COL19A1: variants seen among roughly 807,000 people sequenced by gnomAD.
The protein encoded by COL19A1 is collagen type XIX alpha 1 chain, also known as collagen alpha-1(XIX) chain.
Under a neutral mutation model 190.2 loss-of-function variants are expected in COL19A1, and 159 were observed. The observed-to-expected ratio is 0.84, with a 90% CI of 0.73 to 0.95. COL19A1 has a LOEUF of 0.95. Among genes scored for constraint, COL19A1 ranks in the 40% least tolerant of loss-of-function variants. COL19A1 has a pLI of 0.00. For missense variants in COL19A1, 1,418 were observed against 1,431.9 expected (o/e 0.99, Z 0.16); for synonymous variants, 509 against 458.9 (o/e 1.11, Z -1.39).
intron 11 of COL19A1, among the ~76,000 whole-genome samples, chr6:70,013,561 C>A (rs1778022406): frequency 2.2e-5 from 1 of 45,632 alleles, no homozygotes; most frequent in Non-Finnish European, 3.3e-5. Context: ...ATACAAACTA[C>A]CATCAGAGAA....
intron 11 of COL19A1, among the ~76,000 whole-genome samples, chr6:69,984,625 G>A (rs1288927827): frequency 6.6e-6 from 1 of 151,936 alleles, no homozygotes; most frequent in Non-Finnish European, 1.5e-5. Context: ...TCAATCTTTT[G>A]CCTGAAGTTT....
At chr6:70,076,344 T>C (rs1781881599) in intron 15 of COL19A1, among the ~76,000 whole-genome samples, 1 of 152,218 alleles carries the variant, frequency 6.6e-6, no homozygotes, top group Admixed American at 6.5e-5. Context: ...ATTTGCATGT[T>C]TTAAAATAGG....
At chr6:69,949,476 G>T (rs148700171) in intron 9 of COL19A1, among the ~76,000 whole-genome samples, 15 of 151,904 alleles carry the variant, frequency 9.9e-5, no homozygotes, top group Non-Finnish European at 1.3e-4. Flanking sequence ...ATGAAAACAA[G>T]AAAGTTACTA....
At chr6:69,926,751 C>G (rs1281477249) in intron 4 of COL19A1, among the ~76,000 whole-genome samples, 1 of 152,060 alleles carries the variant, frequency 6.6e-6, no homozygotes, top group Non-Finnish European at 1.5e-5. Context: ...AAGGTATTAA[C>G]TTATACATTC....
At chr6:69,901,363 G>A (rs1770178045) in intron 4 of COL19A1, among the ~76,000 whole-genome samples, 1 of 152,146 alleles carries the variant, frequency 6.6e-6, no homozygotes, top group Non-Finnish European at 1.5e-5. Context: ...CCTGAGAAAA[G>A]TTTCTTTTAA....
rs769558777 is a variant in COL19A1 at position 70,168,159 on chromosome 6, T to C, written c.2497-12T>C. 6.2e-7 allele frequency: 1 copy of C among 1,612,662 alleles called. No homozygotes were observed. The highest frequency in any genetic ancestry group is 8.5e-7 in the Non-Finnish European group (1 of 1,179,374). On this transcript the variant is annotated splice_polypyrimidine_tract_variant and intron_variant, in intron 38 of 50. Coordinates refer to ENST00000620364, the MANE Select transcript of COL19A1 (RefSeq NM_001858.6). Reference sequence around the variant, plus strand: ...CTTTCTCTTTTTCTTTTCTTTTCATTTTCTTTTGAAGGGAGGTGTGAATGT... The same window carrying C: ...CTTTCTCTTTTTCTTTTCTTTTCATCTTCTTTTGAAGGGAGGTGTGAATGT...
rs1773369317 is a variant in COL19A1 at position 69,939,991 on chromosome 6, A to G, written c.936+1891A>G. On this transcript the variant is annotated intron_variant, in intron 9 of 50. Transcript: ENST00000620364. ...CTTAACTTGTCTTTTCACTTCTTTGATTTATCAGTTCCTTCATATTTAAGA... is the reference window on the plus strand; with the variant it reads ...CTTAACTTGTCTTTTCACTTCTTTGGTTTATCAGTTCCTTCATATTTAAGA... Among the ~76,000 whole-genome samples, 4 of 151,960 alleles carry G rather than the reference A, an allele frequency of 2.6e-5. No individual in the cohort carries two copies. In the South Asian group the frequency reaches 8.3e-4, roughly 32 times the overall value.
chr6:70,103,173 C>T (rs192314279), intron 16 of COL19A1, among the ~76,000 whole-genome samples: 2 of 152,314 alleles, frequency 1.3e-5, no homozygotes, highest in African/African-American at 2.4e-5. Flanking sequence ...AAACTAATCT[C>T]TAAAAATAAT....
At chr6:70,087,733 G>T (rs191256016) in intron 15 of COL19A1, among the ~76,000 whole-genome samples, 2 of 152,126 alleles carry the variant, frequency 1.3e-5, no homozygotes, top group African/African-American at 2.4e-5. Flanking sequence ...GGTAAGGATC[G>T]CCACACTGCC....
intron 15 of COL19A1, among the ~76,000 whole-genome samples, chr6:70,079,140 C>A (rs1782079994): frequency 6.6e-6 from 1 of 152,178 alleles, no homozygotes; most frequent in South Asian, 2.1e-4. Context: ...AGTGAAATGG[C>A]TGATGGGAGT....
intron 18 of COL19A1, 82 bp from the exon 19 acceptor site, chr6:70,137,603 C>CA (rs1161956518): frequency 1.6e-6 from 2 of 1,274,218 alleles, no homozygotes; most frequent in Non-Finnish European, 2.3e-6. Flanking sequence ...AGCAGGAGAG[C>CA]AAGCAATCAT....
chr6:70,101,749 C>T (rs1050835119), intron 15 of COL19A1, among the ~76,000 whole-genome samples: 5 of 152,100 alleles, frequency 3.3e-5, no homozygotes, highest in African/African-American at 7.2e-5. Context: ...AACACCCAAA[C>T]TCACCCTCAA....
intron 2 of COL19A1, among the ~76,000 whole-genome samples, chr6:69,893,068 T>C (rs1769461779): frequency 6.6e-6 from 1 of 152,198 alleles, no homozygotes; most frequent in African/African-American, 2.4e-5. Flanking sequence ...AGGTTCAAAA[T>C]AAATTTCTTC....
At chr6:69,912,351 G>A (rs543167647) in intron 4 of COL19A1, among the ~76,000 whole-genome samples, 360 of 152,188 alleles carry the variant, frequency 2.4e-3, no homozygotes, top group Non-Finnish European at 4.3e-3. Context: ...ACATCAATGC[G>A]TAAATTGATA....
chr6:70,163,400 CA>C lies in COL19A1; in HGVS notation c.2400+7del, dbSNP rs1183080422. On this transcript the variant is annotated splice_donor_5th_base_variant and intron_variant, in intron 36 of 50. Coordinates refer to ENST00000620364, the MANE Select transcript of COL19A1 (RefSeq NM_001858.6). ...CACAGGAGCAAAAGGTGAAAAGGTA[CA>C]AAGGAAAAGCCTCACTTACCATCCA... The C allele has an allele frequency of 1.2e-6, 2 of 1,610,360 alleles. No homozygotes were observed. The highest frequency in any genetic ancestry group is 2.3e-5 in the East Asian group (1 of 44,364).
At chr6:70,132,498 A>C (rs1411505707) in intron 18 of COL19A1, among the ~76,000 whole-genome samples, 1 of 152,190 alleles carries the variant, frequency 6.6e-6, no homozygotes, top group Non-Finnish European at 1.5e-5. Context: ...CTGAATCAAT[A>C]CATTAGTTTT....
At chr6:70,064,517 A>G (rs1781054243) in intron 14 of COL19A1, among the ~76,000 whole-genome samples, 1 of 152,210 alleles carries the variant, frequency 6.6e-6, no homozygotes, top group African/African-American at 2.4e-5. Context: ...CTGGATGGGC[A>G]AAAACTGGAA....
intron 15 of COL19A1, among the ~76,000 whole-genome samples, chr6:70,099,824 G>A (rs934084896): frequency 2.0e-5 from 3 of 152,100 alleles, no homozygotes; most frequent in Non-Finnish European, 2.9e-5. Context: ...ATGTCCACTC[G>A]GCAAAATCAG....
chr6:70,052,225 A>G (rs1409208317), intron 14 of COL19A1, among the ~76,000 whole-genome samples: 1 of 152,176 alleles, frequency 6.6e-6, no homozygotes, highest in Non-Finnish European at 1.5e-5. Context: ...GACCATGTCA[A>G]GGAATAAGAA....
Sources: gnomAD v4.1 joint callset for allele counts (sites outside exome capture counted in the v4.1 genomes callset) on GRCh38, gnomAD v4.1.1 for gene constraint, MANE v1.5 for transcripts, NCBI Gene and HGNC (gene_info 2026-07-23, HGNC 2026-07-21) for gene names.